MTHFD1L: variants seen among roughly 807,000 people sequenced by gnomAD.
The protein encoded by MTHFD1L is methylenetetrahydrofolate dehydrogenase (NADP+ dependent) 1 like, also known as monofunctional C1-tetrahydrofolate synthase, mitochondrial.
MTHFD1L carries 81 observed loss-of-function variants against 119.5 expected under a neutral mutation model. The ratio of observed to expected loss-of-function variants is 0.68; its 90% CI spans 0.57 to 0.82. The LOEUF (loss-of-function observed/expected upper bound fraction) is 0.82. Among genes scored for constraint, MTHFD1L ranks in the 40% least tolerant of loss-of-function variants. The probability of loss-of-function intolerance (pLI) is 0.00; values close to 1 mark genes in which losing one functional copy is unlikely to be tolerated. For synonymous variants in MTHFD1L, 430 were observed against 475.2 expected (o/e 0.90, Z 1.24); for missense variants, 1,125 against 1,253.4 (o/e 0.90, Z 1.55).
intron 1 of MTHFD1L, among the ~76,000 whole-genome samples, chr6:150,870,168 A>G (rs887975400): frequency 2.0e-5 from 3 of 152,232 alleles, no homozygotes; most frequent in South Asian, 2.1e-4. Flanking sequence ...ATGGCAACCT[A>G]GCTAGAGAGC....
intron 20 of MTHFD1L, among the ~76,000 whole-genome samples, chr6:151,004,934 G>A (rs1176212712): frequency 4.6e-5 from 7 of 152,156 alleles, no homozygotes; most frequent in Admixed American, 1.3e-4. Flanking sequence ...AGAAGTCTAC[G>A]TGATATGCCT....
intron 20 of MTHFD1L, among the ~76,000 whole-genome samples, chr6:150,984,542 C>A (rs1777985971): frequency 6.9e-6 from 1 of 145,382 alleles, no homozygotes; most frequent in Non-Finnish European, 1.5e-5. Flanking sequence ...AAGTACCTAC[C>A]ATCCTAAACA....
At chr6:151,083,366 T>C (rs1239328265) in intron 26 of MTHFD1L, among the ~76,000 whole-genome samples, 2 of 152,090 alleles carry the variant, frequency 1.3e-5, no homozygotes, top group Non-Finnish European at 2.9e-5. Flanking sequence ...CCCAGCTAAT[T>C]TGTGTATTTT....
At chr6:151,073,778 A>G (rs980557677) in intron 26 of MTHFD1L, among the ~76,000 whole-genome samples, 2 of 152,200 alleles carry the variant, frequency 1.3e-5, no homozygotes, top group African/African-American at 2.4e-5. Flanking sequence ...AACTATCTGA[A>G]ATGAAACAGA....
intron 20 of MTHFD1L, among the ~76,000 whole-genome samples, chr6:150,994,097 G>GAAGAAAGAAAGAAAGAA (rs61147935): frequency 1.5e-5 from 2 of 129,228 alleles, no homozygotes; most frequent in South Asian, 2.3e-4. Flanking sequence ...AAGAAAGAAA[G>GAAGAAAGAAAGAAAGAA]TGACCCAGCA....
chr6:151,062,571 A>G (rs1350362392), intron 26 of MTHFD1L, among the ~76,000 whole-genome samples: 1 of 152,222 alleles, frequency 6.6e-6, no homozygotes, highest in Non-Finnish European at 1.5e-5. Context: ...TATATTCTAG[A>G]GCCAAGAAAG....
chr6:150,958,500 C>T (rs1025621226), intron 17 of MTHFD1L, among the ~76,000 whole-genome samples: 2 of 152,122 alleles, frequency 1.3e-5, no homozygotes, highest in Non-Finnish European at 2.9e-5. Flanking sequence ...TATGTTTTGA[C>T]ATTAACTTCC....
chr6:150,915,146 A>T (rs1184993730), intron 8 of MTHFD1L, among the ~76,000 whole-genome samples: 1 of 152,168 alleles, frequency 6.6e-6, no homozygotes, highest in African/African-American at 2.4e-5. Context: ...GATGCTTTAA[A>T]CCAATCCTGT....
intron 7 of MTHFD1L, among the ~76,000 whole-genome samples, chr6:150,901,386 G>A (rs1025687879): frequency 6.6e-6 from 1 of 152,236 alleles, no homozygotes; most frequent in African/African-American, 2.4e-5. Context: ...TGAGGTAGGA[G>A]GATCGCTTAA....
chr6:151,071,200 A>G (rs1482435141), intron 26 of MTHFD1L, among the ~76,000 whole-genome samples: 1 of 149,558 alleles, frequency 6.7e-6, no homozygotes. Context: ...AATTGATACA[A>G]TGGTTGTGTT....
chr6:151,032,073 T>C (rs1198836131), intron 24 of MTHFD1L, among the ~76,000 whole-genome samples: 1 of 152,224 alleles, frequency 6.6e-6, no homozygotes, highest in Non-Finnish European at 1.5e-5. Context: ...TGTGGTATGA[T>C]TGATAGCTAG....
At chr6:151,038,791 A>G (rs1314730254) in intron 26 of MTHFD1L, among the ~76,000 whole-genome samples, 5 of 152,100 alleles carry the variant, frequency 3.3e-5, no homozygotes, top group Non-Finnish European at 7.4e-5. Context: ...CTCTAAAAGT[A>G]TCCTCCTACC....
At chr6:151,034,979 TCTTA>T (rs111544797) in intron 25 of MTHFD1L, among the ~76,000 whole-genome samples, 45,269 of 151,796 alleles carry the variant, frequency 0.3, 7,200 homozygotes, top group African/African-American at 0.36. Flanking sequence ...CTTACAGGCC[TCTTA>T]CTTACTACCT....
chr6:150,876,045 C>A, intron 1 of MTHFD1L, 45 bp from the exon 2 acceptor site: 1 of 1,430,834 alleles, frequency 7.0e-7, no homozygotes, highest in Non-Finnish European at 9.8e-7. Flanking sequence ...GTCCTTTCTA[C>A]TCATTAACCA....
intron 26 of MTHFD1L, among the ~76,000 whole-genome samples, chr6:151,079,120 T>C (rs1777614512): frequency 6.6e-6 from 1 of 152,208 alleles, no homozygotes; most frequent in South Asian, 2.1e-4. Flanking sequence ...AGAAACAAGC[T>C]GCAGAAGAAC....
intron 1 of MTHFD1L, among the ~76,000 whole-genome samples, chr6:150,873,991 A>G (rs564436909): frequency 2.5e-4 from 38 of 152,026 alleles, no homozygotes; most frequent in African/African-American, 6.5e-4. Context: ...ACTTTTACCA[A>G]ACTCTCCAGT....
intron 21 of MTHFD1L, among the ~76,000 whole-genome samples, chr6:151,011,775 G>A (rs369127338): frequency 6.6e-6 from 1 of 151,904 alleles, no homozygotes; most frequent in Non-Finnish European, 1.5e-5. Flanking sequence ...AGAAAAGGTG[G>A]GGACCAGCCA....
In MTHFD1L at chr6:150,936,890, C is replaced by A; in HGVS notation, c.1343C>A (p.Ser448Tyr). Residue 448 changes from serine (S) to tyrosine (Y), a missense_variant, in exon 12 of 28, where the codon TCC becomes TAC. Physicochemically the swap from Ser to Tyr is moderately radical, Grantham distance 144. Coordinates refer to ENST00000367321, the MANE Select transcript of MTHFD1L (RefSeq NM_015440.5). ...QALTAHLNVNSFACLRQPSQG... is the reference protein window; with the variant it reads ...QALTAHLNVNYFACLRQPSQG... ...CTGACCGCACACCTGAATGTCAACT[C>A]CTTTGCCTGCTTGAGGCAGCCTTCC... is the stretch of plus-strand genomic sequence containing the variant. 1 of 1,614,176 alleles carries A rather than the reference C, an allele frequency of 6.2e-7. No homozygotes were observed. Among genetic ancestry groups the A allele is most frequent in the Non-Finnish European group, 8.5e-7 (1 of 1,180,028 alleles).
intron 7 of MTHFD1L, among the ~76,000 whole-genome samples, chr6:150,901,013 CA>C (rs57036927): frequency 0.68 from 98,071 of 143,760 alleles, 33,434 homozygotes; most frequent in African/African-American, 0.81. Context: ...AGACTCGTCT[CA>C]AAAAAAAAAA....
Sources: allele counts gnomAD v4.1 joint callset (sites outside exome capture counted in the v4.1 genomes callset), GRCh38; gene constraint gnomAD v4.1.1; transcripts MANE v1.5; gene names NCBI Gene and HGNC (gene_info 2026-07-23, HGNC 2026-07-21).